RMDN2: variants seen among roughly 807,000 people sequenced by gnomAD.
The protein encoded by RMDN2 is regulator of microtubule dynamics 2.
A neutral mutation model predicts 52.8 loss-of-function variants in RMDN2; 61 were observed. The ratio of observed to expected loss-of-function variants is 1.16; its 90% CI spans 0.94 to 1.43. RMDN2 has a LOEUF of 1.43. Ranked by LOEUF, RMDN2 falls within the 40% of genes most tolerant of loss-of-function variation. The pLI, the probability that RMDN2 is intolerant of heterozygous loss-of-function variation, is 0.00. For synonymous variants in RMDN2, 180 were observed against 153.1 expected (o/e 1.18, Z -1.30); for missense variants, 592 against 475.3 (o/e 1.25, Z -2.28).
chr2:37,940,780 A>C (rs1276249714), intron 2 of RMDN2, among the ~76,000 whole-genome samples: 1 of 152,096 alleles, frequency 6.6e-6, no homozygotes, highest in East Asian at 1.9e-4. Flanking sequence ...TATTCTCATT[A>C]GCAATTTCTC....
intron 10 of RMDN2, among the ~76,000 whole-genome samples, chr2:38,038,730 C>T (rs1310147044): frequency 6.6e-6 from 1 of 152,188 alleles, no homozygotes; most frequent in East Asian, 1.9e-4. Context: ...GTTGATTACA[C>T]TGGGTGCTTC....
intron 10 of RMDN2, among the ~76,000 whole-genome samples, chr2:38,007,961 G>T (rs959517023): frequency 6.6e-6 from 1 of 152,010 alleles, no homozygotes; most frequent in African/African-American, 2.4e-5. Context: ...ATTTCTTTAT[G>T]TACCCAGTAG....
chr2:37,929,288 C>A lies in RMDN2; in HGVS notation c.11C>A (p.Ser4Tyr), dbSNP rs1049449941. Reference sequence around the variant, plus strand: ...AACGAAAACCAAGAAATGCCTTATTCCACAAACAAAGAGTTGATACTTGGC... The same window carrying A: ...AACGAAAACCAAGAAATGCCTTATTACACAAACAAAGAGTTGATACTTGGC... MPY[S>Y]TNKELILGIM... Residue 4 changes from serine (S) to tyrosine (Y), a missense_variant, in exon 2 of 11, where the codon TCC becomes TAC. Physicochemically the swap from Ser to Tyr is moderately radical, Grantham distance 144 (BLOSUM62 -2). Coordinates refer to ENST00000354545, the MANE Select transcript of RMDN2 (RefSeq NM_001170791.3). 32 of 1,518,798 alleles carry A rather than the reference C, an allele frequency of 2.1e-5. No individual in the cohort carries two copies. The African/African-American group carries it at 4.2e-4, about 20-fold the overall frequency. 94.1% of individuals were successfully genotyped at this position (1,518,798 alleles called of 1,614,324 possible). A position where few individuals can be genotyped will look rare whatever the true frequency, so the allele number is the denominator to read the frequency against.
intron 5 of RMDN2, among the ~76,000 whole-genome samples, chr2:37,981,715 A>T (rs116194019): frequency 1.1e-4 from 17 of 152,182 alleles, no homozygotes; most frequent in Admixed American, 1.1e-3. Context: ...TTATGCATTG[A>T]TGCATCGTAA....
intron 2 of RMDN2, among the ~76,000 whole-genome samples, chr2:37,966,068 T>C (rs1207588468): frequency 6.6e-6 from 1 of 152,240 alleles, no homozygotes; most frequent in African/African-American, 2.4e-5. Context: ...TTCAGTACTT[T>C]AAGTATGATA....
intron 7 of RMDN2, among the ~76,000 whole-genome samples, chr2:37,994,573 G>T (rs554114786): frequency 6.6e-6 from 1 of 152,064 alleles, no homozygotes; most frequent in Non-Finnish European, 1.5e-5. Context: ...TCTGTGAGTG[G>T]TAAGCAAGCA....
At chr2:37,955,904 C>G (rs1180485451) in intron 2 of RMDN2, among the ~76,000 whole-genome samples, 1 of 152,104 alleles carries the variant, frequency 6.6e-6, no homozygotes, top group Non-Finnish European at 1.5e-5. Flanking sequence ...TAAATTCCAT[C>G]TGGTTGTGAT....
At chr2:37,987,206 C>T (rs6713485) in intron 5 of RMDN2, among the ~76,000 whole-genome samples, 87,332 of 151,940 alleles carry the variant, frequency 0.57, 26,339 homozygotes, top group East Asian at 0.9. Context: ...AAAAACATAA[C>T]ACTATTTACA....
intron 10 of RMDN2, among the ~76,000 whole-genome samples, chr2:38,007,499 G>A (rs1573057641): frequency 6.6e-6 from 1 of 152,284 alleles, no homozygotes; most frequent in East Asian, 1.9e-4. Flanking sequence ...GCGTAGAGGT[G>A]TTTATAGTAT....
At chr2:37,943,304 C>T (rs962299077) in intron 2 of RMDN2, among the ~76,000 whole-genome samples, 4 of 152,144 alleles carry the variant, frequency 2.6e-5, no homozygotes, top group African/African-American at 9.7e-5. Flanking sequence ...CTGGTCAAAG[C>T]AATGAGCAGG....
intron 10 of RMDN2, among the ~76,000 whole-genome samples, chr2:38,007,458 A>G (rs1677273472): frequency 6.6e-6 from 1 of 152,184 alleles, no homozygotes; most frequent in African/African-American, 2.4e-5. Context: ...CGAGGAATTT[A>G]TCCATGTCTT....
chr2:37,952,281 C>G, intron 2 of RMDN2: 1 of 1,307,080 alleles, frequency 7.7e-7, no homozygotes, highest in Non-Finnish European at 1.1e-6. Context: ...CTGTAGAATT[C>G]ATTTCTCATA....
intron 2 of RMDN2, among the ~76,000 whole-genome samples, chr2:37,948,248 C>T (rs894518395): frequency 1.3e-5 from 2 of 152,190 alleles, no homozygotes; most frequent in Admixed American, 1.3e-4. Flanking sequence ...GTGGGTGACT[C>T]TTATACACCC....
At chr2:38,020,411 G>A (rs959692055), downstream of RMDN2, among the ~76,000 whole-genome samples, 3 of 152,212 alleles carry the variant, frequency 2.0e-5, no homozygotes, top group East Asian at 1.9e-4. Flanking sequence ...CCACTTTGGC[G>A]GCACTTGAGG....
At chr2:37,959,199 G>T (rs1669869728) in intron 2 of RMDN2, among the ~76,000 whole-genome samples, 2 of 150,878 alleles carry the variant, frequency 1.3e-5, no homozygotes, top group African/African-American at 5.0e-5. Flanking sequence ...CTCTTTTTCT[G>T]TTGTTTGGAA....
intron 10 of RMDN2, among the ~76,000 whole-genome samples, chr2:38,033,520 A>C (rs1474576084): frequency 2.6e-5 from 4 of 152,188 alleles, no homozygotes; most frequent in African/African-American, 7.2e-5. Context: ...GAGTTCTCTG[A>C]CCTTTCACAA....
At chr2:37,944,249 A>G (rs1276941030) in intron 2 of RMDN2, among the ~76,000 whole-genome samples, 2 of 150,926 alleles carry the variant, frequency 1.3e-5, no homozygotes, top group Admixed American at 6.6e-5. Flanking sequence ...CAGTATCTGT[A>G]CTCCTTGGAT....
chr2:38,043,025 G>T (rs115754324), intron 10 of RMDN2, among the ~76,000 whole-genome samples: 46 of 152,284 alleles, frequency 3.0e-4, no homozygotes, highest in African/African-American at 1.0e-3. Flanking sequence ...TGCCAGTGCT[G>T]TTTAAAGTTA....
At chr2:37,938,340 A>G (rs1667487278) in intron 2 of RMDN2, among the ~76,000 whole-genome samples, 1 of 152,162 alleles carries the variant, frequency 6.6e-6, no homozygotes, top group African/African-American at 2.4e-5. Context: ...CATCAGGGAT[A>G]TTGGCCTGAA....
Sources: gnomAD v4.1 joint callset for allele counts (sites outside exome capture counted in the v4.1 genomes callset) on GRCh38, gnomAD v4.1.1 for gene constraint, MANE v1.5 for transcripts, NCBI Gene and HGNC (gene_info 2026-07-23, HGNC 2026-07-21) for gene names.